The following PCDHA3 variants were observed in gnomAD, a reference collection of about 807,000 sequenced individuals.
PCDHA3 encodes the protein protocadherin alpha-3.
In PCDHA3, 41 loss-of-function variants were observed where a neutral mutation model predicts 62.2. The ratio of observed to expected loss-of-function variants is 0.66; its 90% CI spans 0.51 to 0.86. PCDHA3 has a LOEUF of 0.86. PCDHA3 is among the 40% of genes least tolerant of loss of function. The pLI is 0.00. For synonymous variants in PCDHA3, 640 were observed against 555.4 expected (o/e 1.15, Z -2.14); for missense variants, 1,304 against 1,241.2 (o/e 1.05, Z -0.76).
chr5:140,822,753 A>T (rs1554128874), intron 1 of PCDHA3: 2 of 1,613,818 alleles, frequency 1.2e-6, no homozygotes, highest in South Asian at 2.2e-5. Context: ...ATAAAAGTAC[A>T]TTCCCATTAT....
chr5:140,808,638 C>T (rs144422081), intron 1 of PCDHA3: 7 of 1,613,310 alleles, frequency 4.3e-6, no homozygotes, highest in Non-Finnish European at 5.9e-6. Flanking sequence ...GACGCGGACG[C>T]GCAGGAGAAC....
At chr5:140,852,072 G>A in intron 1 of PCDHA3, 2 of 903,554 alleles carry the variant, frequency 2.2e-6, no homozygotes, top group Non-Finnish European at 2.7e-6. Context: ...TTCTCTTTCA[G>A]CTATTTTATT....
At chr5:140,823,724 T>A in intron 1 of PCDHA3, 6 of 1,613,808 alleles carry the variant, frequency 3.7e-6, no homozygotes, top group Non-Finnish European at 5.1e-6. Flanking sequence ...CTGGTGCTGG[T>A]GAAGGACCAT....
At chr5:140,978,897 G>A in intron 1 of PCDHA3, 52 bp from the exon 2 acceptor site, 2 of 1,612,776 alleles carry the variant, frequency 1.2e-6, no homozygotes, top group South Asian at 1.1e-5. Flanking sequence ...AGCATTCCTG[G>A]GAGAACATTG....
At chr5:140,954,476 G>C (rs1467215585) in intron 1 of PCDHA3, among the ~76,000 whole-genome samples, 1 of 152,192 alleles carries the variant, frequency 6.6e-6, no homozygotes, top group Non-Finnish European at 1.5e-5. Context: ...ACTGGTGTGA[G>C]AAGATATTTC....
At chr5:140,966,593 A>G in intron 1 of PCDHA3, 1 of 595,648 alleles carries the variant, frequency 1.7e-6, no homozygotes, top group Non-Finnish European at 2.6e-6. Context: ...CGGTGGGGCC[A>G]GGAGCCCTTG....
Position 140,801,171 on chromosome 5 carries a change from C to A in PCDHA3, c.-27C>A. 1 of 1,563,956 alleles carries A rather than the reference C, an allele frequency of 6.4e-7. No individual in the cohort carries two copies. On this transcript the variant is annotated 5_prime_UTR_variant, in exon 1 of 4. Transcript: ENST00000522353. ...TTTAAACTTTGGATCAATGTAAAGGCAATCTAATATTTGGAAAATACTTGC... is the reference window on the plus strand; with the variant it reads ...TTTAAACTTTGGATCAATGTAAAGGAAATCTAATATTTGGAAAATACTTGC...
rs1319911388 is a variant in PCDHA3, at chr5:140,842,060, T to C, written c.2394+38469T>C. 10 of 1,613,880 alleles carry C rather than the reference T, an allele frequency of 6.2e-6. No homozygotes were observed. The East Asian group carries it at 8.9e-5, about 14-fold the overall frequency. Reference sequence around the variant, plus strand: ...TGCTCCCACTTTCGAACAGTCTGAATACGAAGTAAGAATATTCGAAAACGC... The same window carrying C: ...TGCTCCCACTTTCGAACAGTCTGAACACGAAGTAAGAATATTCGAAAACGC... On this transcript the variant is annotated intron_variant, in intron 1 of 3. Transcript: ENST00000522353.
intron 1 of PCDHA3, chr5:140,969,368 G>A: frequency 6.2e-7 from 1 of 1,608,874 alleles, no homozygotes; most frequent in Non-Finnish European, 8.5e-7. Flanking sequence ...ACAAACTCAT[G>A]CATTTGTTAC....
At chr5:140,887,256 C>T (rs1554182988) in intron 1 of PCDHA3, among the ~76,000 whole-genome samples, 1 of 152,002 alleles carries the variant, frequency 6.6e-6, no homozygotes, top group African/African-American at 2.4e-5. Context: ...GCCACCACGC[C>T]CTGCTAATTT....
chr5:140,946,611 AATAT>A (rs1554217734), intron 1 of PCDHA3, among the ~76,000 whole-genome samples: 10 of 86,794 alleles, frequency 1.2e-4, no homozygotes, highest in Admixed American at 4.7e-4. Flanking sequence ...GAAAATGTGA[AATAT>A]ATATATATAT....
At chr5:140,882,566 G>C in intron 1 of PCDHA3, 2 of 1,614,252 alleles carry the variant, frequency 1.2e-6, no homozygotes, top group Non-Finnish European at 8.5e-7. Flanking sequence ...TGGGCGGAGC[G>C]CGGAGTGCAG....
chr5:140,841,798 T>C (rs1554138538), intron 1 of PCDHA3: 2 of 1,613,930 alleles, frequency 1.2e-6, no homozygotes, highest in East Asian at 2.2e-5. Flanking sequence ...GCGCGTCCGA[T>C]GCAGATGTTG....
At chr5:140,806,967 C>T in intron 1 of PCDHA3, 2 of 605,806 alleles carry the variant, frequency 3.3e-6, no homozygotes, top group Middle Eastern at 2.6e-4. Context: ...TCCACAATTG[C>T]TACTTACGGT....
intron 1 of PCDHA3, among the ~76,000 whole-genome samples, chr5:140,945,368 C>T (rs980832309): frequency 1.3e-5 from 2 of 151,844 alleles, no homozygotes; most frequent in African/African-American, 4.8e-5. Flanking sequence ...TTAAAATGTC[C>T]ATATTACCCA....
rs2150283562 is a variant in PCDHA3, at chr5:140,838,076, TA to T, written c.2394+34486del. 8.0e-3 allele frequency among the ~76,000 whole-genome samples: 249 copies of T among 31,136 alleles called. 2 individuals are homozygous for T. The highest frequency in any genetic ancestry group is 0.023 in the African/African-American group (97 of 4,194). The allele number at this position is 31,136 out of a possible 152,430, so 20.4% of individuals were successfully genotyped here. On this transcript the variant is annotated intron_variant, in intron 1 of 3. Transcript: ENST00000522353. ...TTTTCCACTTTAAGTTATATATATA[TA>T]GTGTGTGTGTGTGTGTGTGTGTGTG... is the stretch of plus-strand genomic sequence containing the variant.
At chr5:140,974,335 G>T (rs1481372488) in intron 1 of PCDHA3, among the ~76,000 whole-genome samples, 2 of 152,158 alleles carry the variant, frequency 1.3e-5, no homozygotes, top group African/African-American at 4.8e-5. Context: ...GTGCTAGCAG[G>T]CTATGCATCC....
intron 1 of PCDHA3, among the ~76,000 whole-genome samples, chr5:140,949,674 C>G (rs2153687219): frequency 6.6e-6 from 1 of 151,738 alleles, no homozygotes; most frequent in South Asian, 2.1e-4. Context: ...AAAGTATGCC[C>G]TTGTTGAAGC....
chr5:140,824,301 G>A (rs1768078809), intron 1 of PCDHA3: 14 of 835,542 alleles, frequency 1.7e-5, no homozygotes, highest in Non-Finnish European at 2.5e-5. Flanking sequence ...TTTCTGCTGG[G>A]GTAATAGATT....
Sources: allele counts gnomAD v4.1 joint callset (sites outside exome capture counted in the v4.1 genomes callset), GRCh38; gene constraint gnomAD v4.1.1; transcripts MANE v1.5; gene names NCBI Gene and HGNC (gene_info 2026-07-23, HGNC 2026-07-21).